QARS1: variants seen among roughly 807,000 people sequenced by gnomAD.
QARS1 encodes the protein glutaminyl-tRNA synthetase 1, also known as glutamine--tRNA ligase.
A neutral mutation model predicts 106.9 loss-of-function variants in QARS1; 79 were observed. The observed-to-expected ratio is 0.74, with a 90% CI of 0.62 to 0.89. The LOEUF (loss-of-function observed/expected upper bound fraction) is 0.89. QARS1 is among the 40% of genes least tolerant of loss of function. QARS1 has a pLI of 0.00. For missense variants in QARS1, 966 were observed against 997.2 expected (o/e 0.97, Z 0.42); for synonymous variants, 395 against 367.7 (o/e 1.07, Z -0.85).
Position 49,104,702 on chromosome 3 carries a change from G to C in QARS1, c.32C>G (p.Thr11Ser), listed in dbSNP as rs1461865905. The C allele has an allele frequency of 5.6e-6, 9 of 1,612,716 alleles. No individual in the cohort carries two copies. The highest frequency in any genetic ancestry group is 7.6e-6 in the Non-Finnish European group (9 of 1,179,370). Residue 11 changes from threonine to serine, a missense_variant, in exon 1 of 24, where the codon ACT becomes AGT. Coordinates refer to ENST00000306125, the MANE Select transcript of QARS1 (RefSeq NM_005051.3). MAALDSLSLF[T>S]SLGLSEQKAR... ...CTTCTGCTCGCTCAGGCCGAGGCTA[G>C]TGAAGAGCGACAGGGAGTCTAGAGC...
chr3:49,099,598 C>T lies in QARS1; in HGVS notation c.1438G>A (p.Val480Met). Residue 480 changes from valine to methionine, a missense_variant, in exon 16 of 24, where the codon GTG (valine) becomes ATG (methionine). Coordinates refer to ENST00000306125, the MANE Select transcript of QARS1 (RefSeq NM_005051.3). ...TTGAGGCGGCCATACTCCCACTGCACAGGGCAATAGACGTCCAGTGCATTG... is the reference window on the plus strand; with the variant it reads ...TTGAGGCGGCCATACTCCCACTGCATAGGGCAATAGACGTCCAGTGCATTG... Reference protein sequence around the residue: ...LCNALDVYCPVQWEYGRLNLH... With the variant: ...LCNALDVYCPMQWEYGRLNLH... 1 of 1,614,154 alleles carries T rather than the reference C, an allele frequency of 6.2e-7. No homozygotes were observed. The highest frequency in any genetic ancestry group is 8.5e-7 in the Non-Finnish European group (1 of 1,180,000).
In QARS1 at chr3:49,100,031, C is replaced by T; in HGVS notation, c.1225G>A (p.Glu409Lys). Reference protein sequence around the residue: ...EATLRMKLVMEDGKMDPVAYR... With the variant: ...EATLRMKLVMKDGKMDPVAYR... ...GCTACAGGGTCCATCTTGCCATCCT[C>T]CATCACCAGCTTCATCCGTAGTGTG... is the stretch of plus-strand genomic sequence containing the variant. The change falls in exon 14 of 24, where the codon GAG (glutamate) becomes AAG (lysine). Residue 409 changes from glutamate (E) to lysine (K), a missense_variant. Glu to Lys is a moderately conservative substitution (Grantham distance 56). Coordinates refer to ENST00000306125, the MANE Select transcript of QARS1 (RefSeq NM_005051.3). 2 of 1,614,230 alleles carry T rather than the reference C, an allele frequency of 1.2e-6. No individual in the cohort carries two copies. The highest frequency in any genetic ancestry group is 1.7e-6 in the Non-Finnish European group (2 of 1,180,040).
chr3:49,104,357 T>G lies in QARS1; in HGVS notation c.232A>C (p.Ser78Arg), dbSNP rs767410688. ...RLSFLVSYIA[S>R]KKIHTEPQLS... ...TGGGGCTCAGTGTGGATCTTCTTAC[T>G]GGCTATGTAGCTTACAAGGAAGGAG... The change falls in exon 2 of 24, where the codon AGT becomes CGT. Residue 78 changes from serine to arginine, a missense_variant. By Grantham distance (110) the Ser-to-Arg change is moderately radical. Coordinates refer to ENST00000306125, the MANE Select transcript of QARS1 (RefSeq NM_005051.3). The G allele has an allele frequency of 6.8e-6, 11 of 1,614,084 alleles. No homozygotes were observed. The highest frequency in any genetic ancestry group is 9.3e-6 in the Non-Finnish European group (11 of 1,180,042).
In QARS1 at chr3:49,104,676, C is replaced by T; in HGVS notation, c.58G>A (p.Ala20Thr). ...GCCGAGTTCTTGAGCGTCTCGCGGG[C>T]CTTCTGCTCGCTCAGGCCGAGGCTA... ...FTSLGLSEQK[A>T]RETLKNSALS... is the part of the protein sequence containing the mutation. Residue 20 changes from alanine to threonine, a missense_variant, in exon 1 of 24, where the codon GCC (alanine) becomes ACC (threonine). Ala to Thr is a moderately conservative substitution (Grantham distance 58, BLOSUM62 0). Coordinates refer to ENST00000306125, the MANE Select transcript of QARS1 (RefSeq NM_005051.3). 1 of 1,610,778 alleles carries T rather than the reference C, an allele frequency of 6.2e-7. No individual in the cohort carries two copies. Among genetic ancestry groups the T allele is most frequent in the Non-Finnish European group, 8.5e-7 (1 of 1,177,772 alleles).
rs764863031 is a variant in QARS1 at position 49,101,580 on chromosome 3, G to A, written c.789+40C>T. On this transcript the variant is annotated intron_variant, in intron 9 of 23. Transcript: ENST00000306125. Reference sequence around the variant, plus strand: ...ACGCAGCCCAGGCACTCAGGCAGGTGTTTGATGGCACAAGCTCACATGGCC... The same window carrying A: ...ACGCAGCCCAGGCACTCAGGCAGGTATTTGATGGCACAAGCTCACATGGCC... 6 of 1,609,718 alleles carry A rather than the reference G, an allele frequency of 3.7e-6. No homozygotes were observed. The Admixed American group carries it at 1.0e-4, about 27-fold the overall frequency.
rs761369646 is a variant in QARS1, at chr3:49,099,943, A to G, written c.1295+18T>C. Reference sequence around the variant, plus strand: ...CCCTGCTCGGCAGCCCCACCACCCCACCCCATTCTACACCCACCATTTGTC... The same window carrying G: ...CCCTGCTCGGCAGCCCCACCACCCCGCCCCATTCTACACCCACCATTTGTC... On this transcript the variant is annotated intron_variant, in intron 14 of 23. Transcript: ENST00000306125. 13 of 1,613,676 alleles carry G rather than the reference A, an allele frequency of 8.1e-6. No homozygotes were observed. Among genetic ancestry groups the G allele is most frequent in the African/African-American group, 1.3e-5 (1 of 74,862 alleles).
At chr3:49,102,150 G>A in intron 7 of QARS1, 55 bp downstream of exon 7, 1 of 1,600,162 alleles carries the variant, frequency 6.2e-7, no homozygotes, top group Non-Finnish European at 8.6e-7. Flanking sequence ...ACTCTTCTGA[G>A]GAGGTTCAGA....
In QARS1 at chr3:49,098,611, G is replaced by A. The variant is rs1009235138; in HGVS notation, c.1945C>T (p.His649Tyr). Residue 649 changes from histidine (H) to tyrosine (Y), a missense_variant, in exon 20 of 24, where the codon CAT becomes TAT. Physicochemically the swap from His to Tyr is moderately conservative, Grantham distance 83. Coordinates refer to ENST00000306125, the MANE Select transcript of QARS1 (RefSeq NM_005051.3). ...CAGCTGGCTCTCACCTTGACAACAT[G>A]CTGCAGCTCAATGACGTAGCCTGTA... ...RHTGYVIELQ[H>Y]VVKGPSGCVE... The A allele has an allele frequency of 1.9e-6, 3 of 1,611,164 alleles. No homozygotes were observed. The highest frequency in any genetic ancestry group is 3.4e-5 in the Admixed American group (2 of 59,634).
chr3:49,104,418 A>C lies in QARS1; in HGVS notation c.171T>G (p.Tyr57Ter). 3 of 1,614,216 alleles carry C rather than the reference A, an allele frequency of 1.9e-6. No individual in the cohort carries two copies. The highest frequency in any genetic ancestry group is 2.5e-6 in the Non-Finnish European group (3 of 1,180,036). ...TATCCCTGAGTCGGGAGGCCAAGCC[A>C]TATAACAGGATCCCGGTAGCTTTGT... Reference protein sequence around the residue: ...TIDKATGILLYGLASRLRDTR... With the variant: ...TIDKATGILL The change falls in exon 2 of 24, where the codon TAT (tyrosine) becomes TAG (stop). Residue 57 changes from tyrosine to a stop codon, truncating the protein, a stop_gained. Transcript: ENST00000306125. LOFTEE classifies it high-confidence loss of function.
intron 10 of QARS1, 105 bp downstream of exon 10, chr3:49,101,250 C>T: frequency 1.1e-6 from 1 of 892,176 alleles, no homozygotes; most frequent in Non-Finnish European, 1.8e-6. Context: ...CCTCTGCCCA[C>T]CTGGGTACAT....
intron 5 of QARS1, 34 bp downstream of exon 5, chr3:49,103,311 C>T (rs1243356771): frequency 6.2e-7 from 1 of 1,610,770 alleles, no homozygotes; most frequent in East Asian, 2.2e-5. Context: ...ATGCCAGAGT[C>T]TTTGCCAGCT....
chr3:49,102,376 C>A (rs1261753519), intron 6 of QARS1, 43 bp downstream of exon 6: 1 of 1,613,008 alleles, frequency 6.2e-7, no homozygotes, highest in East Asian at 2.2e-5. Context: ...TCTCACCATA[C>A]CTCACCTCAC....
chr3:49,096,640 A>G (rs1400902100), intron 23 of QARS1, among the ~76,000 whole-genome samples: 3 of 151,844 alleles, frequency 2.0e-5, no homozygotes, highest in African/African-American at 7.3e-5. Context: ...TCTACTAAAA[A>G]ATAGAAAAAA....
chr3:49,099,573 T>A lies in QARS1; in HGVS notation c.1463A>T (p.Asn488Ile). The change falls in exon 16 of 24, where the codon AAC (asparagine) becomes ATC (isoleucine). Residue 488 changes from asparagine (N) to isoleucine (I), a missense_variant. Physicochemically the swap from Asn to Ile is moderately radical, Grantham distance 149 (BLOSUM62 -3). Coordinates refer to ENST00000306125, the MANE Select transcript of QARS1 (RefSeq NM_005051.3). ...CTTAGAGACAACAGCATAGTGCAGGTTGAGGCGGCCATACTCCCACTGCAC... is the reference window on the plus strand; with the variant it reads ...CTTAGAGACAACAGCATAGTGCAGGATGAGGCGGCCATACTCCCACTGCAC... Reference protein sequence around the residue: ...CPVQWEYGRLNLHYAVVSKRK... With the variant: ...CPVQWEYGRLILHYAVVSKRK... The A allele has an allele frequency of 6.2e-7, 1 of 1,614,182 alleles. No homozygotes were observed. Among genetic ancestry groups the A allele is most frequent in the East Asian group, 2.2e-5 (1 of 44,884 alleles).
intron 8 of QARS1, 25 bp downstream of exon 8, chr3:49,101,803 C>G: frequency 6.2e-7 from 1 of 1,609,362 alleles, no homozygotes; most frequent in Non-Finnish European, 8.5e-7. Context: ...CCAGCCCTCC[C>G]CAGGGTTTTG....
intron 5 of QARS1, among the ~76,000 whole-genome samples, 199 bp downstream of exon 5, chr3:49,103,146 G>A (rs921740794): frequency 3.3e-5 from 5 of 151,912 alleles, no homozygotes; most frequent in Non-Finnish European, 5.9e-5. Context: ...TCTGTAGAGA[G>A]GAGTTCTCAA....
chr3:49,099,310 C>G, intron 17 of QARS1, 34 bp downstream of exon 17: 1 of 1,614,196 alleles, frequency 6.2e-7, no homozygotes, highest in Non-Finnish European at 8.5e-7. Context: ...CACACTCAAC[C>G]CCCAATGTAT....
At position 49,103,566 on chromosome 3, in the gene QARS1, C is replaced by T. The variant is rs146772968; in HGVS notation, c.451+65G>A. 179 of 1,579,372 alleles carry T rather than the reference C, an allele frequency of 1.1e-4. 1 individual carries two copies. The East Asian group carries it at 4.0e-3, about 35-fold the overall frequency. ...TGTTCCTTCCCCCACCTCCTTCTCA[C>T]TCGTGCCCAGAAGAAAAGGCATGAC... is the stretch of plus-strand genomic sequence containing the variant. On this transcript the variant is annotated intron_variant, in intron 4 of 23. Transcript: ENST00000306125.
chr3:49,097,120 TAGTG>T (rs1280619297), intron 23 of QARS1: 1 of 151,584 alleles, frequency 6.6e-6, no homozygotes. Flanking sequence ...CTGGGCAACA[TAGTG>T]AGAACTTGCC....
Sources: gnomAD v4.1 joint callset for allele counts (sites outside exome capture counted in the v4.1 genomes callset) on GRCh38, gnomAD v4.1.1 for gene constraint, MANE v1.5 for transcripts, NCBI Gene and HGNC (gene_info 2026-07-23, HGNC 2026-07-21) for gene names.